The following CTNNA2 variants were observed in gnomAD, a reference collection of about 807,000 sequenced individuals.
CTNNA2 encodes the protein catenin alpha 2, also known as catenin alpha-2.
Under a neutral mutation model 101.0 loss-of-function variants are expected in CTNNA2, and 42 were observed. That is an observed-to-expected ratio of 0.42 (90% confidence interval 0.32 to 0.54). CTNNA2 has a LOEUF of 0.54. Among genes scored for constraint, CTNNA2 ranks in the 20% least tolerant of loss-of-function variants. The pLI, the probability that CTNNA2 is intolerant of heterozygous loss-of-function variation, is 0.14. For synonymous variants in CTNNA2, 450 were observed against 456.4 expected (o/e 0.99, Z 0.18); for missense variants, 871 against 1,223.1 (o/e 0.71, Z 4.29).
At chr2:80,586,700 T>A (rs1696001857) in intron 14 of CTNNA2, among the ~76,000 whole-genome samples, 2 of 152,242 alleles carry the variant, frequency 1.3e-5, no homozygotes, top group Non-Finnish European at 2.9e-5. Flanking sequence ...TTAAAGCTAC[T>A]TTATCTTTCA....
At chr2:79,231,614 A>G (rs1674494302) in intron 2 of CTNNA2, among the ~76,000 whole-genome samples, 2 of 152,204 alleles carry the variant, frequency 1.3e-5, no homozygotes, top group Admixed American at 6.5e-5. Context: ...GTATTTTGGT[A>G]GGAATATCAT....
intron 7 of CTNNA2, among the ~76,000 whole-genome samples, chr2:80,202,778 T>G (rs541882261): frequency 1.4e-4 from 22 of 151,990 alleles, no homozygotes; most frequent in African/African-American, 4.8e-4. Context: ...CCTGAGCTGA[T>G]TGTATTGGCT....
At chr2:79,188,176 C>A (rs1259462541) in intron 1 of CTNNA2, among the ~76,000 whole-genome samples, 20 of 151,586 alleles carry the variant, frequency 1.3e-4, no homozygotes. Flanking sequence ...TTATTTTTTC[C>A]CAAAGTACAG....
At chr2:80,306,359 G>C (rs1324859823) in intron 7 of CTNNA2, among the ~76,000 whole-genome samples, 2 of 149,694 alleles carry the variant, frequency 1.3e-5, no homozygotes, top group Non-Finnish European at 3.0e-5. Context: ...TGGCACAGAT[G>C]GTTTTTTCTT....
intron 2 of CTNNA2, among the ~76,000 whole-genome samples, chr2:79,304,532 A>G (rs899568396): frequency 6.6e-6 from 1 of 152,230 alleles, no homozygotes; most frequent in Non-Finnish European, 1.5e-5. Flanking sequence ...CAAATAGGAT[A>G]TCCCAGGTGG....
intron 3 of CTNNA2, among the ~76,000 whole-genome samples, chr2:79,366,597 G>GA (rs889550683): frequency 1.5e-4 from 23 of 149,992 alleles, no homozygotes; most frequent in African/African-American, 3.9e-4. Context: ...GAGAGTTTCA[G>GA]AAAAAAAAAT....
intron 9 of CTNNA2, among the ~76,000 whole-genome samples, chr2:80,470,201 C>G: frequency 6.6e-6 from 1 of 152,296 alleles, no homozygotes; most frequent in East Asian, 1.9e-4. Context: ...CTCTTGCCTA[C>G]CACTTTGTCT....
intron 4 of CTNNA2, among the ~76,000 whole-genome samples, chr2:79,454,073 G>A (rs1211450686): frequency 5.3e-5 from 8 of 152,152 alleles, no homozygotes; most frequent in Non-Finnish European, 8.8e-5. Context: ...ATCGGGAAGA[G>A]AACCTAATCC....
chr2:79,370,517 T>C (rs76476974), intron 3 of CTNNA2, among the ~76,000 whole-genome samples: 2,334 of 152,326 alleles, frequency 0.015, 62 homozygotes, highest in African/African-American at 0.053. Flanking sequence ...CCTCTAGCTC[T>C]ATGCTAGGGC....
rs140815864 is a variant in CTNNA2, at chr2:80,307,204, C to T, written c.1057-86007C>T. ...ACAGTTTTAAACCCCTTGGCAGAAC[C>T]GTATACATTAACAGATTGAAATGAG... On this transcript the variant is annotated intron_variant, in intron 7 of 18. Coordinates refer to ENST00000402739, the MANE Select transcript of CTNNA2 (RefSeq NM_001282597.3). Among the ~76,000 whole-genome samples, 300 of 151,932 alleles carry T rather than the reference C, an allele frequency of 2.0e-3. 3 individuals are homozygous for T. Among genetic ancestry groups the T allele is most frequent in the Middle Eastern group, 0.014 (4 of 294 alleles).
intron 1 of CTNNA2, among the ~76,000 whole-genome samples, chr2:79,563,466 G>T (rs1217850702): frequency 6.6e-6 from 1 of 151,960 alleles, no homozygotes; most frequent in Non-Finnish European, 1.5e-5. Flanking sequence ...TATAGGGAAA[G>T]GCATATTAAC....
chr2:79,512,794 C>G (rs1671589863), upstream of CTNNA2, among the ~76,000 whole-genome samples: 1 of 151,426 alleles, frequency 6.6e-6, no homozygotes, highest in Non-Finnish European at 1.5e-5. Flanking sequence ...CTTTCGGGCG[C>G]TCCCCAGGCC....
At chr2:80,347,485 A>C (rs1392153794) in intron 7 of CTNNA2, among the ~76,000 whole-genome samples, 1 of 152,198 alleles carries the variant, frequency 6.6e-6, no homozygotes, top group African/African-American at 2.4e-5. Flanking sequence ...GAGCAGTCAC[A>C]TGAACGATCC....
intron 2 of CTNNA2, among the ~76,000 whole-genome samples, chr2:79,242,131 C>T (rs908468111): frequency 2.0e-5 from 3 of 152,176 alleles, no homozygotes; most frequent in Non-Finnish European, 4.4e-5. Context: ...TGGTCTCGAT[C>T]TCCTGACCTC....
chr2:80,565,535 A>G (rs1048924798), intron 12 of CTNNA2, among the ~76,000 whole-genome samples: 2 of 148,808 alleles, frequency 1.3e-5, no homozygotes, highest in African/African-American at 5.0e-5. Flanking sequence ...TTTTTTTTCC[A>G]TGGTGAATCG....
intron 2 of CTNNA2, among the ~76,000 whole-genome samples, chr2:79,289,038 A>G (rs190414406): frequency 1.4e-4 from 22 of 152,338 alleles, no homozygotes; most frequent in African/African-American, 5.1e-4. Flanking sequence ...TTTGTTTCAT[A>G]ATAGAATTTT....
At chr2:79,655,291 G>A (rs952832186) in intron 2 of CTNNA2, among the ~76,000 whole-genome samples, 1 of 152,090 alleles carries the variant, frequency 6.6e-6, no homozygotes, top group African/African-American at 2.4e-5. Flanking sequence ...TTAGAATACA[G>A]TACCTGGTAT....
Position 79,781,773 on chromosome 2 carries a change from G to A in CTNNA2, c.298+37191G>A, listed in dbSNP as rs534433866. ...GATGATAATTTATATCTGTGTGTGT[G>A]TAAAATAACAATTCTGAAATGGCTT... is the stretch of plus-strand genomic sequence containing the variant. On this transcript the variant is annotated intron_variant, in intron 3 of 18. Transcript: ENST00000402739. 1.3e-4 allele frequency among the ~76,000 whole-genome samples: 20 copies of A among 152,196 alleles called. No individual in the cohort carries two copies. In the South Asian group the frequency reaches 3.7e-3, roughly 28 times the overall value.
chr2:80,409,388 A>G (rs1233227216), intron 8 of CTNNA2, among the ~76,000 whole-genome samples: 1 of 152,174 alleles, frequency 6.6e-6, no homozygotes, highest in African/African-American at 2.4e-5. Flanking sequence ...AATACATTTG[A>G]CGGGAATAAC....
Sources: gnomAD v4.1 joint callset for allele counts (sites outside exome capture counted in the v4.1 genomes callset) on GRCh38, gnomAD v4.1.1 for gene constraint, MANE v1.5 for transcripts, NCBI Gene and HGNC (gene_info 2026-07-23, HGNC 2026-07-21) for gene names.